RBBP8NL: variants seen among roughly 807,000 people sequenced by gnomAD.
RBBP8NL encodes RBBP8 N-terminal like.
In RBBP8NL, 59 loss-of-function variants were observed where a neutral mutation model predicts 62.2. The observed-to-expected ratio is 0.95, with a 90% CI of 0.77 to 1.18. The LOEUF (loss-of-function observed/expected upper bound fraction) is 1.18, where lower values mean the gene tolerates loss of function less well. Among genes scored for constraint, RBBP8NL ranks in the 50% most tolerant of loss-of-function variants. The probability of loss-of-function intolerance (pLI) is 0.00; values close to 1 mark genes in which losing one functional copy is unlikely to be tolerated. For missense variants in RBBP8NL, 896 were observed against 899.5 expected (o/e 1.00, Z 0.05); for synonymous variants, 412 against 394.1 (o/e 1.05, Z -0.54).
chr20:62,423,224 C>T (rs774407259), intron 1 of RBBP8NL, among the ~76,000 whole-genome samples: 6 of 152,158 alleles, frequency 3.9e-5, no homozygotes, highest in Non-Finnish European at 8.8e-5. Context: ...ACGAAGACCT[C>T]GCTCCAGATG....
At chr20:62,412,503 G>A in intron 13 of RBBP8NL, 121 bp downstream of exon 13, 1 of 1,327,908 alleles carries the variant, frequency 7.5e-7, no homozygotes. Context: ...GTTCATTTTT[G>A]GCTCCATCAT....
chr20:62,411,229 C>A (rs1259550018), intron 13 of RBBP8NL, among the ~76,000 whole-genome samples: 1 of 152,178 alleles, frequency 6.6e-6, no homozygotes, highest in Non-Finnish European at 1.5e-5. Context: ...ATTGTGTGAC[C>A]CCGAACACGG....
intron 11 of RBBP8NL, 63 bp downstream of exon 11, chr20:62,413,338 A>G: frequency 1.5e-6 from 2 of 1,365,500 alleles, no homozygotes; most frequent in Non-Finnish European, 1.9e-6. Flanking sequence ...ACTGACCACC[A>G]CCCTCTCTCT....
chr20:62,415,550 A>T, intron 8 of RBBP8NL, 28 bp downstream of exon 8: 1 of 1,610,032 alleles, frequency 6.2e-7, no homozygotes, highest in South Asian at 1.1e-5. Flanking sequence ...CCAGCTGCAC[A>T]TGGTGGGCTC....
chr20:62,413,326 G>A, intron 11 of RBBP8NL, 75 bp downstream of exon 11: 4 of 1,358,670 alleles, frequency 2.9e-6, no homozygotes, highest in Non-Finnish European at 2.9e-6. Context: ...CTCCTGGTGG[G>A]CACTGACCAC....
intron 1 of RBBP8NL, among the ~76,000 whole-genome samples, chr20:62,423,191 G>C (rs1244295643): frequency 6.6e-6 from 1 of 152,142 alleles, no homozygotes; most frequent in Non-Finnish European, 1.5e-5. Context: ...CTTCCTGACA[G>C]CCCACGGAAT....
At position 62,415,912 on chromosome 20, in the gene RBBP8NL, G is replaced by T; in HGVS notation, c.420C>A (p.Thr140=). Residue 140 remains threonine, a synonymous_variant, in exon 7 of 14, where the codon ACC becomes ACA. Transcript: ENST00000252998. ...DRPKPRAKEG[T]SDPPSPLLLP... is the part of the protein sequence containing the mutation. Reference sequence around the variant, plus strand: ...GCAGCAGGGGTGAGGGGGGGTCCGAGGTGCCCTCCTTGGCCCGGGGCTTGG... The same window carrying T: ...GCAGCAGGGGTGAGGGGGGGTCCGATGTGCCCTCCTTGGCCCGGGGCTTGG... The T allele has an allele frequency of 6.3e-7, 1 of 1,578,568 alleles. No individual in the cohort carries two copies. Among genetic ancestry groups the T allele is most frequent in the Non-Finnish European group, 8.6e-7 (1 of 1,164,480 alleles).
rs769090124 is a variant in RBBP8NL, at chr20:62,414,487, C to A, written c.864G>T (p.Arg288=). ...EAPKLSPKVD[R]LCLLNRPLSL... ...ACAGGGGGCGGTTTAGGAGGCAGAG[C>A]CGGTCCACCTTCGGGGAGAGCTTCG... The change falls in exon 10 of 14, where the codon CGG becomes CGT. Residue 288 remains arginine, a synonymous_variant. Transcript: ENST00000252998. The A allele has an allele frequency of 9.6e-6, 14 of 1,465,474 alleles. No homozygotes were observed. The highest frequency in any genetic ancestry group is 1.3e-5 in the Non-Finnish European group (14 of 1,105,190). The allele number at this position is 1,465,474 out of a possible 1,614,324, so 90.8% of individuals were successfully genotyped here. A position where few individuals can be genotyped will look rare whatever the true frequency, so the allele number is the denominator to read the frequency against.
intron 11 of RBBP8NL, 45 bp from the exon 12 acceptor site, chr20:62,412,945 G>T: frequency 6.2e-7 from 1 of 1,603,366 alleles, no homozygotes. Context: ...GGTGGCACCG[G>T]GAGTCTCCCG....
Position 62,418,467 on chromosome 20 carries a change from TG to T in RBBP8NL, c.62-3del. 1 of 1,550,106 alleles carries T rather than the reference TG, an allele frequency of 6.5e-7. No individual in the cohort carries two copies. Among genetic ancestry groups the T allele is most frequent in the Non-Finnish European group, 8.7e-7 (1 of 1,146,808 alleles). On this transcript the variant is annotated splice_region_variant and splice_polypyrimidine_tract_variant and intron_variant, in intron 2 of 13. Transcript: ENST00000252998. ...GTTCCAGAAGCTTGTTCTGCAGGCC[TG>T]GGGGAGCAAGCAGAGGGGCGGGGGG... is the stretch of plus-strand genomic sequence containing the variant.
intron 1 of RBBP8NL, 97 bp from the exon 2 acceptor site, chr20:62,419,827 C>G: frequency 1.6e-6 from 1 of 631,550 alleles, no homozygotes; most frequent in Non-Finnish European, 2.7e-6. Context: ...CTGTATGGAG[C>G]AGACCCCATG....
intron 1 of RBBP8NL, among the ~76,000 whole-genome samples, chr20:62,425,930 A>G (rs1452127027): frequency 1.3e-5 from 2 of 150,494 alleles, no homozygotes; most frequent in African/African-American, 4.9e-5. Flanking sequence ...AGTGGCAGTG[A>G]CAGTAGCAGT....
intron 1 of RBBP8NL, among the ~76,000 whole-genome samples, chr20:62,424,048 G>C (rs1601491959): frequency 6.6e-6 from 1 of 151,848 alleles, no homozygotes; most frequent in East Asian, 1.9e-4. Context: ...GGGCTGTGAT[G>C]GGGGAGCAAG....
chr20:62,426,183 G>C (rs539842740), intron 1 of RBBP8NL, among the ~76,000 whole-genome samples: 1 of 151,490 alleles, frequency 6.6e-6, no homozygotes, highest in Non-Finnish European at 1.5e-5. Context: ...TGGAAGCAGC[G>C]GCAGCGGCAG....
At chr20:62,416,283 A>AG in intron 5 of RBBP8NL, 47 bp from the exon 6 acceptor site, 5 of 110,664 alleles carry the variant, frequency 4.5e-5, no homozygotes, top group Admixed American at 2.5e-4. Flanking sequence ...TGGGGGGGAC[A>AG]GGGGCAGGGG....
rs759409705 is a variant in RBBP8NL at position 62,414,059 on chromosome 20, G to GC, written c.1291dup (p.Ala431GlyfsTer102). 5.6e-6 allele frequency: 9 copies of GC among 1,594,884 alleles called. No individual in the cohort carries two copies. Among genetic ancestry groups the GC allele is most frequent in the Non-Finnish European group, 6.0e-6 (7 of 1,172,418 alleles). On this transcript the variant is annotated frameshift_variant, in exon 10 of 14. Coordinates refer to ENST00000252998, the MANE Select transcript of RBBP8NL (RefSeq NM_080833.3). LOFTEE classifies it high-confidence loss of function. ...GTCTAGGGCACAGTCCTGCGTGGCT[G>GC]CAGCCTCTGTCCTCTGGGCGCGGCC...
In RBBP8NL at chr20:62,421,020, C is replaced by T. The variant is rs1004457907; in HGVS notation, c.-83-1290G>A. On this transcript the variant is annotated intron_variant, in intron 1 of 13. Transcript: ENST00000252998. Reference sequence around the variant, plus strand: ...GGGCTGGGCGGAGTGAGCCTGGGGGCGCTGTGACTGTCTGTCTGTCCTCCC... The same window carrying T: ...GGGCTGGGCGGAGTGAGCCTGGGGGTGCTGTGACTGTCTGTCTGTCCTCCC... Among the ~76,000 whole-genome samples, 15 of 151,992 alleles carry T rather than the reference C, an allele frequency of 9.9e-5. No individual in the cohort carries two copies. In the East Asian group the frequency reaches 1.6e-3, roughly 16 times the overall value.
At chr20:62,427,037 G>A (rs763686900) in intron 1 of RBBP8NL, among the ~76,000 whole-genome samples, 18 of 152,248 alleles carry the variant, frequency 1.2e-4, no homozygotes, top group Non-Finnish European at 1.9e-4. Flanking sequence ...GTGCCCAGCT[G>A]CGGGTGCTGC....
At chr20:62,416,390 G>A (rs933213596) in intron 5 of RBBP8NL, among the ~76,000 whole-genome samples, 154 bp from the exon 6 acceptor site, 6 of 152,314 alleles carry the variant, frequency 3.9e-5, no homozygotes, top group African/African-American at 1.4e-4. Flanking sequence ...TGCTGGCTGC[G>A]TGCATGGCTG....
Sources: allele counts gnomAD v4.1 joint callset (sites outside exome capture counted in the v4.1 genomes callset), GRCh38; gene constraint gnomAD v4.1.1; transcripts MANE v1.5; gene names NCBI Gene and HGNC (gene_info 2026-07-23, HGNC 2026-07-21).